The following POU2F3 variants were observed in gnomAD, a reference collection of about 807,000 sequenced individuals.
POU2F3 encodes the protein POU class 2 homeobox 3.
A neutral mutation model predicts 59.2 loss-of-function variants in POU2F3; 23 were observed. The ratio of observed to expected loss-of-function variants is 0.39; its 90% confidence interval spans 0.28 to 0.55. The LOEUF is 0.55. POU2F3 is among the 20% of genes least tolerant of loss of function. POU2F3 has a pLI of 0.66. For missense variants in POU2F3, 473 were observed against 544.5 expected, an observed-to-expected ratio of 0.87 and a Z score of 1.31; for synonymous variants, 190 against 214.6, an observed-to-expected ratio of 0.89 and a Z score of 1.00.
intron 12 of POU2F3, 66 bp downstream of exon 12, chr11:120,317,430 T>A (rs1181985529): frequency 6.3e-7 from 1 of 1,587,390 alleles, no homozygotes; most frequent in East Asian, 2.2e-5. Context: ...AAGCTGAGCC[T>A]ATGCCTTGGG....
At chr11:120,316,689 A>C (rs1941796437) in intron 11 of POU2F3, among the ~76,000 whole-genome samples, 1 of 152,306 alleles carries the variant, frequency 6.6e-6, no homozygotes, top group African/African-American at 2.4e-5. Flanking sequence ...GCCTCCCAAA[A>C]GTGTTGGGCT....
intron 2 of POU2F3, 130 bp downstream of exon 2, chr11:120,246,647 T>A: frequency 1.1e-6 from 1 of 880,790 alleles, no homozygotes; most frequent in Non-Finnish European, 1.8e-6. Context: ...TCTTAGGAAC[T>A]AAGGGAATTC....
intron 2 of POU2F3, chr11:120,255,940 T>C (rs1939324664): frequency 6.6e-6 from 1 of 152,202 alleles, no homozygotes; most frequent in African/African-American, 2.4e-5. Flanking sequence ...CCCTGCACTT[T>C]CTTGTTTGGC....
chr11:120,241,797 T>C (rs1272146058), intron 1 of POU2F3, among the ~76,000 whole-genome samples: 1 of 151,714 alleles, frequency 6.6e-6, no homozygotes, highest in Non-Finnish European at 1.5e-5. Flanking sequence ...TCCCATTCTG[T>C]GGAAGTGGGA....
chr11:120,304,140 C>G (rs568722037), intron 6 of POU2F3: 2 of 152,088 alleles, frequency 1.3e-5, no homozygotes, highest in African/African-American at 4.8e-5. Context: ...TTGAGACCAG[C>G]TTGGGCAACA....
intron 3 of POU2F3, among the ~76,000 whole-genome samples, chr11:120,287,746 C>T (rs1161285714): frequency 5.9e-5 from 9 of 152,116 alleles, no homozygotes; most frequent in Non-Finnish European, 1.2e-4. Context: ...TTAGTTAATA[C>T]AAATTAAGCC....
rs1006759126 is a variant in POU2F3 at position 120,288,136 on chromosome 11, A to C, written c.133-10129A>C. Among the ~76,000 whole-genome samples the C allele has an allele frequency of 1.9e-4, 28 of 148,412 alleles. No homozygotes were observed. In the East Asian group the frequency reaches 4.5e-3, roughly 24 times the overall value. ...AAAACAAACAAAAAAACCAAAAAAA[A>C]AAAAAAAAAAAACAAGAAAAAAGGG... On this transcript the variant is annotated intron_variant, in intron 3 of 12. Transcript: ENST00000543440.
intron 1 of POU2F3, among the ~76,000 whole-genome samples, chr11:120,244,496 T>C (rs1938791805): frequency 6.6e-6 from 1 of 152,210 alleles, no homozygotes. Flanking sequence ...CATCCGAATA[T>C]GTGGCTAGGG....
chr11:120,295,828 T>C (rs1941178677), intron 3 of POU2F3, among the ~76,000 whole-genome samples: 1 of 152,188 alleles, frequency 6.6e-6, no homozygotes, highest in Non-Finnish European at 1.5e-5. Flanking sequence ...CACAGTGCTA[T>C]TTCCCATCTC....
intron 12 of POU2F3, among the ~76,000 whole-genome samples, chr11:120,317,888 T>C (rs886191889): frequency 9.2e-5 from 14 of 152,222 alleles, no homozygotes; most frequent in African/African-American, 3.4e-4. Context: ...TTCTCAGAGC[T>C]GATGCCTTGT....
intron 4 of POU2F3, 68 bp downstream of exon 4, chr11:120,298,458 C>T: frequency 6.3e-7 from 1 of 1,592,266 alleles, no homozygotes; most frequent in East Asian, 2.2e-5. Context: ...GCTCGACTTC[C>T]ATGCTTGGTA....
chr11:120,278,135 C>T (rs527886762), intron 3 of POU2F3, among the ~76,000 whole-genome samples: 35 of 152,188 alleles, frequency 2.3e-4, no homozygotes, highest in African/African-American at 5.8e-4. Context: ...ACTTTGTGTT[C>T]ACATAAAAAA....
intron 10 of POU2F3, among the ~76,000 whole-genome samples, chr11:120,312,338 G>A (rs1282927140): frequency 6.6e-6 from 1 of 152,098 alleles, no homozygotes; most frequent in Non-Finnish European, 1.5e-5. Flanking sequence ...GGCCAGGCTG[G>A]TCTTGAACTC....
At chr11:120,313,041 G>A (rs1941690031) in intron 10 of POU2F3, among the ~76,000 whole-genome samples, 1 of 152,160 alleles carries the variant, frequency 6.6e-6, no homozygotes, top group Non-Finnish European at 1.5e-5. Flanking sequence ...GGGAGTGAGG[G>A]TGTGAATGAG....
intron 6 of POU2F3, chr11:120,302,732 A>T (rs991373225): frequency 2.7e-5 from 6 of 220,178 alleles, no homozygotes; most frequent in Admixed American, 5.8e-5. Flanking sequence ...GGTGCTCTCA[A>T]GCCCCAAGAG....
chr11:120,318,252 C>T lies in POU2F3; in HGVS notation c.1272-101C>T, dbSNP rs1169671110. 4 of 1,118,370 alleles carry T rather than the reference C, an allele frequency of 3.6e-6. No individual in the cohort carries two copies. The African/African-American group carries it at 6.2e-5, about 17-fold the overall frequency. 69.3% of individuals were successfully genotyped at this position (1,118,370 alleles called of 1,614,324 possible). A position where few individuals can be genotyped will look rare whatever the true frequency, so the allele number is the denominator to read the frequency against. The stretch of plus-strand genomic sequence containing the variant: ...CTAATTCCAGGATGTTTTTATTACT[C>T]CTACCTGCAAAAGCCCCTGTACCTG... On this transcript the variant is annotated intron_variant, in intron 12 of 12. Coordinates refer to ENST00000543440, the MANE Select transcript of POU2F3 (RefSeq NM_014352.4).
intron 7 of POU2F3, 131 bp downstream of exon 7, chr11:120,305,343 C>A: frequency 9.1e-7 from 1 of 1,102,902 alleles, no homozygotes; most frequent in Non-Finnish European, 1.3e-6. Context: ...CCTGAGTTCT[C>A]TGAGAATAGG....
At chr11:120,298,702 G>A (rs527603009) in intron 4 of POU2F3, among the ~76,000 whole-genome samples, 1 of 152,246 alleles carries the variant, frequency 6.6e-6, no homozygotes, top group East Asian at 1.9e-4. Context: ...TGCTGCTGCA[G>A]TTAGAGAATG....
intron 2 of POU2F3, among the ~76,000 whole-genome samples, chr11:120,267,775 C>T (rs1444745978): frequency 6.6e-6 from 1 of 151,986 alleles, no homozygotes; most frequent in Non-Finnish European, 1.5e-5. Context: ...GTCCAGCTCC[C>T]AAGGAATATA....
Sources: gnomAD v4.1 joint callset for allele counts (sites outside exome capture counted in the v4.1 genomes callset) on GRCh38, gnomAD v4.1.1 for gene constraint, MANE v1.5 for transcripts, NCBI Gene and HGNC (gene_info 2026-07-23, HGNC 2026-07-21) for gene names.